OPRK1: variants seen among roughly 807,000 people sequenced by gnomAD.
OPRK1 encodes the protein kappa-type opioid receptor.
A neutral mutation model predicts 24.5 loss-of-function variants in OPRK1; 15 were observed. The ratio of observed to expected loss-of-function variants is 0.61; its 90% CI spans 0.41 to 0.94. The LOEUF is 0.94. Among genes scored for constraint, OPRK1 ranks in the 40% least tolerant of loss-of-function variants. OPRK1 has a pLI of 0.00. For missense variants in OPRK1, 479 were observed against 507.3 expected (o/e 0.94, Z 0.54); for synonymous variants, 205 against 198.0 (o/e 1.04, Z -0.30).
intron 2 of OPRK1, among the ~76,000 whole-genome samples, chr8:53,248,876 T>G (rs1720249866): frequency 6.6e-6 from 1 of 152,210 alleles, no homozygotes; most frequent in Non-Finnish European, 1.5e-5. Context: ...GGTGGGAGAA[T>G]GGAGAATGAT....
At chr8:53,231,376 A>G (rs1270609205) in intron 3 of OPRK1, among the ~76,000 whole-genome samples, 2 of 152,096 alleles carry the variant, frequency 1.3e-5, no homozygotes, top group Non-Finnish European at 2.9e-5. Flanking sequence ...GTTTCCTTGG[A>G]GGTAGGGACC....
At chr8:53,241,943 T>C (rs944993868) in intron 2 of OPRK1, among the ~76,000 whole-genome samples, 1 of 152,198 alleles carries the variant, frequency 6.6e-6, no homozygotes, top group Non-Finnish European at 1.5e-5. Flanking sequence ...TGTGGAATCA[T>C]GCGCCTCTGG....
chr8:53,231,253 A>G (rs1220932235), intron 3 of OPRK1, among the ~76,000 whole-genome samples: 2 of 152,184 alleles, frequency 1.3e-5, no homozygotes, highest in African/African-American at 4.8e-5. Flanking sequence ...TTATAATAGA[A>G]TATAAGATAT....
intron 2 of OPRK1, among the ~76,000 whole-genome samples, chr8:53,245,239 A>G (rs1807202630): frequency 6.6e-6 from 1 of 152,166 alleles, no homozygotes; most frequent in Non-Finnish European, 1.5e-5. Flanking sequence ...AGAGATAATT[A>G]AGGTAAATGA....
intron 2 of OPRK1, among the ~76,000 whole-genome samples, chr8:53,244,704 G>C (rs1466320520): frequency 1.3e-5 from 2 of 152,306 alleles, no homozygotes; most frequent in East Asian, 3.9e-4. Context: ...AGAAATAAAT[G>C]AAAAGAGAAC....
chr8:53,248,330 A>G (rs1213666226), intron 2 of OPRK1, among the ~76,000 whole-genome samples: 1 of 150,286 alleles, frequency 6.7e-6, no homozygotes, highest in Non-Finnish European at 1.5e-5. Flanking sequence ...CTAGATCTGC[A>G]CCTGCCCACA....
intron 2 of OPRK1, among the ~76,000 whole-genome samples, chr8:53,242,298 T>C (rs1355115441): frequency 6.6e-6 from 1 of 152,156 alleles, no homozygotes; most frequent in Non-Finnish European, 1.5e-5. Flanking sequence ...CTAAGCAAAC[T>C]GGGCTGTGAT....
rs1158383888 is a variant in OPRK1 at position 53,229,352 on chromosome 8, G to A, written c.1088C>T (p.Thr363Ile). 2 of 1,614,062 alleles carry A rather than the reference G, an allele frequency of 1.2e-6. No homozygotes were observed. The highest frequency in any genetic ancestry group is 2.7e-5 in the African/African-American group (2 of 74,944). ...ERQSTSRVRN[T>I]VQDPAYLRDI... ...CCTCAGGTAAGCAGGATCCTGAACT[G>A]TATTTCGGACTCTGCTAGTGCTCTG... Residue 363 changes from threonine to isoleucine, a missense_variant, in exon 4 of 4, where the codon ACA (threonine) becomes ATA (isoleucine). Physicochemically the swap from Thr to Ile is moderately conservative, Grantham distance 89. Coordinates refer to ENST00000265572, the MANE Select transcript of OPRK1 (RefSeq NM_000912.5).
At chr8:53,237,891 C>T (rs1178701665) in intron 2 of OPRK1, among the ~76,000 whole-genome samples, 4 of 152,260 alleles carry the variant, frequency 2.6e-5, no homozygotes, top group African/African-American at 9.6e-5. Context: ...GAGGCAGGAC[C>T]TCAGTGGGAG....
chr8:53,240,315 T>C lies in OPRK1; in HGVS notation c.258-5204A>G, dbSNP rs548252570. On this transcript the variant is annotated intron_variant, in intron 2 of 3. Coordinates refer to ENST00000265572, the MANE Select transcript of OPRK1 (RefSeq NM_000912.5). The stretch of plus-strand genomic sequence containing the variant: ...AGGAAACAAAACAAAACAAAAGCCC[T>C]GGTGATTTTCTAAATAGATTCCTTT... Among the ~76,000 whole-genome samples, 4 of 152,310 alleles carry C rather than the reference T, an allele frequency of 2.6e-5. No individual in the cohort carries two copies. The South Asian group carries it at 8.3e-4, about 32-fold the overall frequency.
chr8:53,235,414 A>G (rs1174433342), intron 2 of OPRK1, among the ~76,000 whole-genome samples: 1 of 152,224 alleles, frequency 6.6e-6, no homozygotes, highest in African/African-American at 2.4e-5. Flanking sequence ...ACAGATCTTT[A>G]TTTTGTGGCT....
At chr8:53,236,382 C>A (rs1057180381) in intron 2 of OPRK1, among the ~76,000 whole-genome samples, 7 of 152,194 alleles carry the variant, frequency 4.6e-5, no homozygotes, top group African/African-American at 1.7e-4. Context: ...TCCCTCCCCA[C>A]CTCCCATCTC....
At chr8:53,236,548 C>T (rs1361518417) in intron 2 of OPRK1, among the ~76,000 whole-genome samples, 1 of 152,078 alleles carries the variant, frequency 6.6e-6, no homozygotes, top group African/African-American at 2.4e-5. Flanking sequence ...ATGTGTTTTG[C>T]CTTTATACTT....
intron 2 of OPRK1, among the ~76,000 whole-genome samples, chr8:53,237,567 T>C (rs903896348): frequency 6.6e-6 from 1 of 152,208 alleles, no homozygotes; most frequent in Admixed American, 6.5e-5. Flanking sequence ...AGTCACTTCA[T>C]GTGGTAGGTA....
rs749193182 is a variant in OPRK1, at chr8:53,229,684, A to C, written c.756T>G (p.Arg252=). 12 of 1,614,154 alleles carry C rather than the reference A, an allele frequency of 7.4e-6. No homozygotes were observed. Among genetic ancestry groups the C allele is most frequent in the Non-Finnish European group, 1.0e-5 (12 of 1,180,024 alleles). Residue 252 remains arginine, a synonymous_variant, in exon 4 of 4, where the codon CGT becomes CGG. Coordinates refer to ENST00000265572, the MANE Select transcript of OPRK1 (RefSeq NM_000912.5). ...IIVCYTLMIL[R]LKSVRLLSGS... ...CAGAAAGGAGCCGGACGCTCTTGAGACGCAGGATCATCAGGGTGTAGCAGA... is the reference window on the plus strand; with the variant it reads ...CAGAAAGGAGCCGGACGCTCTTGAGCCGCAGGATCATCAGGGTGTAGCAGA...
chr8:53,239,391 G>A (rs1196535388), intron 2 of OPRK1, among the ~76,000 whole-genome samples: 1 of 152,196 alleles, frequency 6.6e-6, no homozygotes, highest in Admixed American at 6.5e-5. Context: ...AATTTAGCAG[G>A]ATCTTGAGAT....
At position 53,228,261 on chromosome 8, in the gene OPRK1, A is replaced by G. The variant is rs541698541; in HGVS notation, c.*1036T>C. The G allele has an allele frequency of 6.6e-6, 1 of 152,372 alleles. No homozygotes were observed. Among genetic ancestry groups the G allele is most frequent in the East Asian group, 1.9e-4 (1 of 5,190 alleles). 9.4% of individuals were successfully genotyped at this position (152,372 alleles called of 1,614,324 possible). A position where few individuals can be genotyped will look rare whatever the true frequency, so the allele number is the denominator to read the frequency against. ...CTATATGTTCATAAAGAGATGTGGCAAATAAACTAGATCCTGCGAAGGCTA... is the reference window on the plus strand; with the variant it reads ...CTATATGTTCATAAAGAGATGTGGCGAATAAACTAGATCCTGCGAAGGCTA... On this transcript the variant is annotated 3_prime_UTR_variant, in exon 4 of 4. Transcript: ENST00000265572.
chr8:53,235,814 T>C (rs998562971), intron 2 of OPRK1, among the ~76,000 whole-genome samples: 4 of 152,206 alleles, frequency 2.6e-5, no homozygotes, highest in Non-Finnish European at 4.4e-5. Flanking sequence ...ATATGTCTCA[T>C]CTTCCAATTG....
At chr8:53,229,856 C>T (rs201603193) in intron 3 of OPRK1, 27 bp from the exon 4 acceptor site, 1 of 1,519,068 alleles carries the variant, frequency 6.6e-7, no homozygotes, top group African/African-American at 1.4e-5. Flanking sequence ...AAAACCACAA[C>T]ACAGAAACCT....
Sources: gnomAD v4.1 joint callset for allele counts (sites outside exome capture counted in the v4.1 genomes callset) on GRCh38, gnomAD v4.1.1 for gene constraint, MANE v1.5 for transcripts, NCBI Gene and HGNC (gene_info 2026-07-23, HGNC 2026-07-21) for gene names.